Variants in SLC16A2 observed in about 807,000 individuals in gnomAD.
The protein encoded by SLC16A2 is solute carrier family 16 member 2.
Under a neutral mutation model 27.2 loss-of-function variants are expected in SLC16A2, and 3 were observed. The ratio of observed to expected loss-of-function variants is 0.11; its 90% CI spans 0.05 to 0.28. The LOEUF (loss-of-function observed/expected upper bound fraction) is 0.28, where lower values mean the gene tolerates loss of function less well. Among genes scored for constraint, SLC16A2 ranks in the 10% least tolerant of loss-of-function variants. The pLI, the probability that SLC16A2 is intolerant of heterozygous loss-of-function variation, is 1.00. For synonymous variants in SLC16A2, 202 were observed against 187.8 expected (o/e 1.08, Z -0.62); for missense variants, 295 against 458.5 (o/e 0.64, Z 3.26).
At chrX:74,438,438 G>C (rs959037081) in intron 1 of SLC16A2, among the ~76,000 whole-genome samples, 12 of 113,054 alleles carry the variant, frequency 1.1e-4, no homozygotes, top group Non-Finnish European at 2.2e-4. Context: ...TACCACCCAT[G>C]ATGCACACGT....
At chrX:74,479,417 C>T (rs1414698282) in intron 1 of SLC16A2, among the ~76,000 whole-genome samples, 1 of 111,601 alleles carries the variant, frequency 9.0e-6, no homozygotes, top group Non-Finnish European at 1.9e-5. Context: ...AACTTCTTTG[C>T]CATGGGTTTG....
chrX:74,515,266 C>T (rs1216683732), intron 1 of SLC16A2, among the ~76,000 whole-genome samples: 1 of 109,029 alleles, frequency 9.2e-6, no homozygotes, highest in African/African-American at 3.4e-5. Flanking sequence ...AAAATAAGCC[C>T]ACTGGATGGG....
At chrX:74,431,137 C>A (rs1928528315) in intron 1 of SLC16A2, among the ~76,000 whole-genome samples, 1 of 112,831 alleles carries the variant, frequency 8.9e-6, no homozygotes, top group Non-Finnish European at 1.9e-5. Context: ...GAAAACAAAT[C>A]ATTCTACCAA....
intron 1 of SLC16A2, among the ~76,000 whole-genome samples, chrX:74,460,257 G>A (rs1602115510): frequency 9.0e-6 from 1 of 111,632 alleles, no homozygotes; most frequent in East Asian, 2.8e-4. Flanking sequence ...AGATACTAAG[G>A]TGGGCCTGTT....
At chrX:74,462,269 G>A (rs1045938798) in intron 1 of SLC16A2, among the ~76,000 whole-genome samples, 1 of 112,027 alleles carries the variant, frequency 8.9e-6, no homozygotes, top group African/African-American at 3.2e-5. Flanking sequence ...TTTGTTTCTC[G>A]AGTAGCCTGA....
At chrX:74,435,540 T>TATATATGC (rs1464785348) in intron 1 of SLC16A2, among the ~76,000 whole-genome samples, 1 of 65,770 alleles carries the variant, frequency 1.5e-5, no homozygotes, top group Non-Finnish European at 2.5e-5. Flanking sequence ...TATATATGTA[T>TATATATGC]ATATATATAT....
intron 1 of SLC16A2, chrX:74,473,700 C>T (rs1422901633): frequency 2.9e-6 from 3 of 1,041,490 alleles, no homozygotes; most frequent in Non-Finnish European, 4.0e-6. Context: ...GGTTCCACAA[C>T]TCTTCCATCC....
At chrX:74,436,083 A>C (rs1329218307) in intron 1 of SLC16A2, among the ~76,000 whole-genome samples, 1 of 111,324 alleles carries the variant, frequency 9.0e-6, no homozygotes, top group Admixed American at 9.6e-5. Context: ...AATGGAAAAC[A>C]GATCCTCTCA....
chrX:74,524,378 T>C lies in SLC16A2; in HGVS notation c.595T>C (p.Phe199Leu). 8.3e-7 allele frequency: 1 copy of C among 1,211,714 alleles called. No individual in the cohort carries two copies. Among genetic ancestry groups the C allele is most frequent in the Non-Finnish European group, 1.1e-6 (1 of 895,538 alleles). Residue 199 changes from phenylalanine (F) to leucine (L), a missense_variant, in exon 3 of 6, where the codon TTC (phenylalanine) becomes CTC (leucine). Coordinates refer to ENST00000587091, the MANE Select transcript of SLC16A2 (RefSeq NM_006517.5). ...CCACAGCTCCCTAAGCCTGCGCTAC[T>C]TCACCTACGGGATTCTCTTTGGTTG... The part of the protein sequence containing the change: ...SFTSSLSLRY[F>L]TYGILFGCGC...
chrX:74,521,126 C>T lies in SLC16A2; in HGVS notation c.567C>T (p.Ser189=). The part of the protein sequence containing the change: ...AVAFIGLHTS[S]FTSSLSLRYF... ...CTTTCATTGGCCTCCATACCAGCTCCTTCACCAGGTAAGGCTAAGAGTTGG... is the reference window on the plus strand; with the variant it reads ...CTTTCATTGGCCTCCATACCAGCTCTTTCACCAGGTAAGGCTAAGAGTTGG... Residue 189 remains serine, a synonymous_variant, in exon 2 of 6, where the codon TCC becomes TCT. Coordinates refer to ENST00000587091, the MANE Select transcript of SLC16A2 (RefSeq NM_006517.5). 5.8e-6 allele frequency: 7 copies of T among 1,212,089 alleles called. No individual in the cohort carries two copies. The highest frequency in any genetic ancestry group is 7.8e-6 in the Non-Finnish European group (7 of 895,549).
chrX:74,471,281 G>A (rs1444174426), intron 1 of SLC16A2, among the ~76,000 whole-genome samples: 2 of 111,987 alleles, frequency 1.8e-5, no homozygotes, highest in Non-Finnish European at 3.8e-5. Context: ...AAGGGTGTAA[G>A]CTCTGTGTTG....
chrX:74,502,103 C>T (rs1404026579), intron 1 of SLC16A2, among the ~76,000 whole-genome samples: 1 of 111,872 alleles, frequency 8.9e-6, no homozygotes, highest in Non-Finnish European at 1.9e-5. Flanking sequence ...CAGTGTGTTA[C>T]TTTAGGCTCT....
intron 1 of SLC16A2, among the ~76,000 whole-genome samples, chrX:74,485,851 C>T (rs770791230): frequency 8.1e-5 from 9 of 111,065 alleles, no homozygotes; most frequent in Non-Finnish European, 1.1e-4. Context: ...CTGCCGGATC[C>T]GGAGGGGTGG....
rs1930571277 is a variant in SLC16A2, at chrX:74,531,639, C to T, written c.*86C>T. On this transcript the variant is annotated 3_prime_UTR_variant, in exon 6 of 6. Transcript: ENST00000587091. ...CATTTACATTTTTGCCACCAGCACA[C>T]TTGTTCCCAGACCTGCGCACACAGC... 2.7e-6 allele frequency: 2 copies of T among 730,058 alleles called. No individual in the cohort carries two copies. The highest frequency in any genetic ancestry group is 4.6e-5 in the Admixed American group (2 of 43,838). 60.2% of individuals were successfully genotyped at this position (730,058 alleles called of 1,213,427 possible).
chrX:74,467,468 C>CT (rs1364612884), intron 1 of SLC16A2, among the ~76,000 whole-genome samples: 3 of 111,382 alleles, frequency 2.7e-5, no homozygotes, highest in African/African-American at 9.8e-5. Flanking sequence ...TGAAGGTTAC[C>CT]TTGTAGGCCC....
At chrX:74,438,597 A>G (rs889754736) in intron 1 of SLC16A2, among the ~76,000 whole-genome samples, 4 of 112,375 alleles carry the variant, frequency 3.6e-5, no homozygotes, top group Non-Finnish European at 7.5e-5. Flanking sequence ...CACCCACACA[A>G]GCAAATGTAT....
rs192110258 is a variant in SLC16A2, at chrX:74,424,545, G to A, written c.430+2478G>A. On this transcript the variant is annotated intron_variant, in intron 1 of 5. Coordinates refer to ENST00000587091, the MANE Select transcript of SLC16A2 (RefSeq NM_006517.5). ...TGTGCCACAGCACTGGTGTCTCAAAGGGATAGAAGAAGCTAATAGAAGTTT... is the reference window on the plus strand; with the variant it reads ...TGTGCCACAGCACTGGTGTCTCAAAAGGATAGAAGAAGCTAATAGAAGTTT... Among the ~76,000 whole-genome samples the A allele has an allele frequency of 8.3e-4, 93 of 112,082 alleles. 1 individual carries two copies. Among genetic ancestry groups the A allele is most frequent in the African/African-American group, 2.9e-3 (90 of 30,868 alleles).
intron 2 of SLC16A2, among the ~76,000 whole-genome samples, chrX:74,522,322 C>T (rs1930419748): frequency 8.9e-6 from 1 of 111,978 alleles, no homozygotes; most frequent in Admixed American, 9.4e-5. Context: ...TGAGCATTTC[C>T]AGCTGCCCAG....
At chrX:74,487,902 T>G (rs1929750170) in intron 1 of SLC16A2, among the ~76,000 whole-genome samples, 1 of 111,928 alleles carries the variant, frequency 8.9e-6, no homozygotes, top group South Asian at 3.7e-4. Context: ...TTAAGAAAAA[T>G]CAACATCCTT....
Sources: gnomAD v4.1 joint callset for allele counts (sites outside exome capture counted in the v4.1 genomes callset) on GRCh38, gnomAD v4.1.1 for gene constraint, MANE v1.5 for transcripts, NCBI Gene and HGNC (gene_info 2026-07-23, HGNC 2026-07-21) for gene names.